SLC27A2: variants seen among roughly 807,000 people sequenced by gnomAD.
SLC27A2 encodes the protein long-chain fatty acid transport protein 2.
Under a neutral mutation model 60.0 loss-of-function variants are expected in SLC27A2, and 54 were observed. The ratio of observed to expected loss-of-function variants is 0.90; its 90% CI spans 0.72 to 1.13. SLC27A2 has a LOEUF of 1.13. SLC27A2 is among the 50% of genes most tolerant of loss of function. The pLI is 0.00. For synonymous variants in SLC27A2, 297 were observed against 297.6 expected, an observed-to-expected ratio of 1.00 and a Z score of 0.02; for missense variants, 739 against 777.6, an observed-to-expected ratio of 0.95 and a Z score of 0.59.
chr15:50,206,676 C>T (rs997855343), intron 4 of SLC27A2, among the ~76,000 whole-genome samples: 1 of 152,152 alleles, frequency 6.6e-6, no homozygotes, highest in African/African-American at 2.4e-5. Context: ...GTCTGCCCCC[C>T]CTCGCCCCAA....
At chr15:50,192,690 G>A (rs62020293) in intron 1 of SLC27A2, among the ~76,000 whole-genome samples, 4 of 150,352 alleles carry the variant, frequency 2.7e-5, no homozygotes, top group Non-Finnish European at 5.9e-5. Flanking sequence ...GACTACAGGT[G>A]TGCGCCACCA....
At chr15:50,228,324 C>T (rs939791646) in intron 7 of SLC27A2, among the ~76,000 whole-genome samples, 1 of 129,198 alleles carries the variant, frequency 7.7e-6, no homozygotes, top group South Asian at 2.5e-4. Flanking sequence ...TTGCAGTGAG[C>T]TGAGATTGCA....
At chr15:50,184,053 C>G (rs894727694) in intron 1 of SLC27A2, among the ~76,000 whole-genome samples, 4 of 130,934 alleles carry the variant, frequency 3.1e-5, no homozygotes, top group Non-Finnish European at 6.3e-5. Flanking sequence ...TGCAGTGGCG[C>G]TATTTCAGTT....
chr15:50,216,288 A>G (rs567464313), intron 4 of SLC27A2, among the ~76,000 whole-genome samples: 2 of 152,264 alleles, frequency 1.3e-5, no homozygotes, highest in African/African-American at 4.8e-5. Context: ...AATGGCCATA[A>G]TCAAAAAAAT....
At chr15:50,213,334 TAGAC>T (rs2045171569) in intron 4 of SLC27A2, among the ~76,000 whole-genome samples, 2 of 152,050 alleles carry the variant, frequency 1.3e-5, no homozygotes, top group Non-Finnish European at 2.9e-5. Context: ...AGAAATAAGA[TAGAC>T]AGCAACACAA....
intron 1 of SLC27A2, among the ~76,000 whole-genome samples, chr15:50,194,699 G>A (rs1170088463): frequency 6.6e-6 from 1 of 152,124 alleles, no homozygotes; most frequent in African/African-American, 2.4e-5. Context: ...CAAGGCAGTG[G>A]CACAGGAGTG....
intron 4 of SLC27A2, among the ~76,000 whole-genome samples, chr15:50,216,900 AAT>A (rs1358712640): frequency 1.4e-5 from 2 of 147,596 alleles, no homozygotes; most frequent in Admixed American, 6.8e-5. Flanking sequence ...TATTCCAAAA[AAT>A]ATATATATAT....
rs965061445 is a variant in SLC27A2 at position 50,236,352 on chromosome 15, A to ATACT, written c.*259_*262dup. 5.7e-5 allele frequency: 19 copies of ATACT among 336,046 alleles called. No individual in the cohort carries two copies. Among genetic ancestry groups the ATACT allele is most frequent in the Non-Finnish European group, 9.1e-5 (17 of 187,420 alleles). The allele number at this position is 336,046 out of a possible 1,614,324, so 20.8% of individuals were successfully genotyped here. On this transcript the variant is annotated 3_prime_UTR_variant, in exon 10 of 10. Transcript: ENST00000267842. ...TGGAGGGAAGGCATTATTTTTTAAA[A>ATACT]TACTTAGTAAATTAAATGAACACCA...
intron 2 of SLC27A2, among the ~76,000 whole-genome samples, chr15:50,199,540 G>A (rs545093205): frequency 6.6e-6 from 1 of 151,744 alleles, no homozygotes; most frequent in Non-Finnish European, 1.5e-5. Flanking sequence ...AAGAGAATGA[G>A]CATCCTCTGA....
intron 9 of SLC27A2, among the ~76,000 whole-genome samples, chr15:50,234,587 CAAAAAAA>C (rs767076726): frequency 1.3e-4 from 8 of 61,550 alleles, no homozygotes; most frequent in Middle Eastern, 9.1e-3. Context: ...ACTCCATCTC[CAAAAAAA>C]AAAAAAAAAA....
chr15:50,211,878 T>C (rs547755062), intron 4 of SLC27A2, among the ~76,000 whole-genome samples: 1 of 151,742 alleles, frequency 6.6e-6, no homozygotes, highest in Admixed American at 6.6e-5. Flanking sequence ...GAGACCATCC[T>C]GGCTAACACA....
chr15:50,218,060 CAAA>C lies in SLC27A2; in HGVS notation c.973-4881_973-4879del, dbSNP rs34661754. ...CAGGGCGAGAGGCGAGACTCTGTCT[CAAA>C]AAAAAAAAAAAAAAAAAAAAAAACC... On this transcript the variant is annotated intron_variant, in intron 4 of 9. Transcript: ENST00000267842. Among the ~76,000 whole-genome samples the C allele has an allele frequency of 3.8e-3, 243 of 63,848 alleles. 1 individual carries two copies. In the East Asian group the frequency reaches 0.1, roughly 27 times the overall value. The allele number at this position is 63,848 out of a possible 152,430, so 41.9% of individuals were successfully genotyped here. A position where few individuals can be genotyped will look rare whatever the true frequency, so the allele number is the denominator to read the frequency against.
rs566482971 is a variant in SLC27A2 at position 50,227,053 on chromosome 15, G to A, written c.1332G>A (p.Gln444=). The change falls in exon 7 of 10, where the codon CAG becomes CAA. Residue 444 remains glutamine, a synonymous_variant. Transcript: ENST00000267842. ...ATGGCTATGCTGGAGCAAAGGCTCA[G>A]ACAGAGAAGAAAAAACTGAGAGATG... The part of the protein sequence containing the change: ...PFNGYAGAKA[Q]TEKKKLRDVF... 67 of 1,614,170 alleles carry A rather than the reference G, an allele frequency of 4.2e-5. 1 individual carries two copies. The Admixed American group carries it at 1.1e-3, about 26-fold the overall frequency.
intron 2 of SLC27A2, among the ~76,000 whole-genome samples, chr15:50,201,114 C>T (rs572626106): frequency 6.6e-6 from 1 of 152,270 alleles, no homozygotes; most frequent in African/African-American, 2.4e-5. Flanking sequence ...ACCCAAGTAG[C>T]TAGGACTACA....
At chr15:50,182,972 C>T in intron 1 of SLC27A2, 67 bp downstream of exon 1, 1 of 1,502,688 alleles carries the variant, frequency 6.7e-7, no homozygotes, top group Non-Finnish European at 9.0e-7. Context: ...CGAGCCACAG[C>T]GTGGCATAAG....
Position 50,205,381 on chromosome 15 carries a change from T to G in SLC27A2, c.972+18T>G, listed in dbSNP as rs2045104125. ...CACCACAGGTAACACTCCCCCCGTT[T>G]TACTATCATTTTGAAATGGGTAAGA... On this transcript the variant is annotated intron_variant, in intron 4 of 9. Coordinates refer to ENST00000267842, the MANE Select transcript of SLC27A2 (RefSeq NM_003645.4). The G allele has an allele frequency of 2.5e-6, 4 of 1,592,642 alleles. No homozygotes were observed. Among genetic ancestry groups the G allele is most frequent in the Non-Finnish European group, 3.4e-6 (4 of 1,165,164 alleles).
chr15:50,229,697 C>A (rs900741302), intron 8 of SLC27A2, among the ~76,000 whole-genome samples: 1 of 152,134 alleles, frequency 6.6e-6, no homozygotes, highest in African/African-American at 2.4e-5. Flanking sequence ...TTAATTACAT[C>A]AACGCTAAGC....
At chr15:50,205,539 G>A (rs1462749476) in intron 4 of SLC27A2, among the ~76,000 whole-genome samples, 176 bp downstream of exon 4, 2 of 152,032 alleles carry the variant, frequency 1.3e-5, no homozygotes, top group African/African-American at 4.8e-5. Context: ...TTAGTAGGTG[G>A]GAGTTAATAT....
At position 50,201,496 on chromosome 15, in the gene SLC27A2, A is replaced by G. The variant is rs1385340518; in HGVS notation, c.689-991A>G. On this transcript the variant is annotated intron_variant, in intron 2 of 9. Coordinates refer to ENST00000267842, the MANE Select transcript of SLC27A2 (RefSeq NM_003645.4). ...GGGAAATCTTTATGTACAAACATGA[A>G]CAAATCTCCAGTAAACATTGTTAAG... Among the ~76,000 whole-genome samples, 5 of 152,214 alleles carry G rather than the reference A, an allele frequency of 3.3e-5. No individual in the cohort carries two copies. The East Asian group carries it at 9.6e-4, about 29-fold the overall frequency.
Sources: gnomAD v4.1 joint callset for allele counts (sites outside exome capture counted in the v4.1 genomes callset) on GRCh38, gnomAD v4.1.1 for gene constraint, MANE v1.5 for transcripts, NCBI Gene and HGNC (gene_info 2026-07-23, HGNC 2026-07-21) for gene names.